The following NRP1 variants were observed in gnomAD, a reference collection of about 807,000 sequenced individuals.
The protein encoded by NRP1 is neuropilin 1, also known as neuropilin-1.
Under a neutral mutation model 106.7 loss-of-function variants are expected in NRP1, and 35 were observed. The observed-to-expected ratio is 0.33, with a 90% CI of 0.25 to 0.43. The LOEUF (loss-of-function observed/expected upper bound fraction) is 0.43, where lower values mean the gene tolerates loss of function less well. NRP1 is among the 20% of genes least tolerant of loss of function. NRP1 has a pLI of 1.00. For missense variants in NRP1, 1,024 were observed against 1,170.4 expected, an observed-to-expected ratio of 0.87 and a Z score of 1.83; for synonymous variants, 437 against 417.9, an observed-to-expected ratio of 1.05 and a Z score of -0.56.
In NRP1 at chr10:33,242,766, A is replaced by T. The variant is rs77535716; in HGVS notation, c.981+11262T>A. Among the ~76,000 whole-genome samples, 42 of 152,130 alleles carry T rather than the reference A, an allele frequency of 2.8e-4. 3 individuals carry two copies. In the East Asian group the frequency reaches 8.1e-3, roughly 29 times the overall value. On this transcript the variant is annotated intron_variant, in intron 6 of 16. Coordinates refer to ENST00000374867, the MANE Select transcript of NRP1 (RefSeq NM_003873.7). ...GGGTCTACCTGGGTCTTGGTCTTTT[A>T]TTCTGAGATGGGATCTACCTGCATC...
chr10:33,294,193 G>C (rs1564462903), intron 2 of NRP1, among the ~76,000 whole-genome samples: 1 of 152,332 alleles, frequency 6.6e-6, no homozygotes, highest in South Asian at 2.1e-4. Context: ...GCTTCAGTGA[G>C]TGTGGGATTT....
At position 33,252,996 on chromosome 10, in the gene NRP1, G is replaced by GTT. The variant is rs35881919; in HGVS notation, c.981+1030_981+1031dup. Among the ~76,000 whole-genome samples the GTT allele has an allele frequency of 1.4e-3, 208 of 144,894 alleles. 2 individuals carry two copies. Among genetic ancestry groups the GTT allele is most frequent in the East Asian group, 0.013 (67 of 5,020 alleles). On this transcript the variant is annotated intron_variant, in intron 6 of 16. Transcript: ENST00000374867. ...AAAGTAGAGGATTAATCATCTTGTGGTTTTTTTTTTTTTTCTTGCTTAGAA... is the reference window on the plus strand; with the variant it reads ...AAAGTAGAGGATTAATCATCTTGTGGTTTTTTTTTTTTTTTTCTTGCTTAGAA...
chr10:33,298,070 T>C (rs1316560151), intron 2 of NRP1, among the ~76,000 whole-genome samples: 5 of 152,238 alleles, frequency 3.3e-5, no homozygotes, highest in African/African-American at 7.2e-5. Context: ...CACATGTTTG[T>C]ATGGAGCCAA....
Position 33,197,150 on chromosome 10 carries a change from GTGTGCTTCTCTC to G in NRP1, c.1924+488_1924+499del, listed in dbSNP as rs1342123769. On this transcript the variant is annotated intron_variant, in intron 12 of 16. Coordinates refer to ENST00000374867, the MANE Select transcript of NRP1 (RefSeq NM_003873.7). ...GGATGAGGAGGTGCTGTTCCCAAGG[GTGTGCTTCTCTC>G]TGTGCACAATTATAAACTCTGGTTT... Among the ~76,000 whole-genome samples the G allele has an allele frequency of 3.9e-5, 6 of 152,130 alleles. No homozygotes were observed. The East Asian group carries it at 1.2e-3, about 29-fold the overall frequency.
chr10:33,326,237 T>C (rs937641135), intron 2 of NRP1, among the ~76,000 whole-genome samples: 8 of 152,196 alleles, frequency 5.3e-5, no homozygotes, highest in African/African-American at 1.7e-4. Flanking sequence ...TATACAGATA[T>C]AAACTTTTAT....
chr10:33,293,867 A>G (rs1281401740), intron 2 of NRP1, among the ~76,000 whole-genome samples: 3 of 152,218 alleles, frequency 2.0e-5, no homozygotes, highest in Non-Finnish European at 2.9e-5. Flanking sequence ...CATGTGAATG[A>G]ATGGATTTCA....
intron 2 of NRP1, among the ~76,000 whole-genome samples, chr10:33,287,242 C>T (rs1311166447): frequency 6.6e-6 from 1 of 152,130 alleles, no homozygotes; most frequent in African/African-American, 2.4e-5. Flanking sequence ...AATACAATGT[C>T]TTCAAAAATA....
intron 15 of NRP1, among the ~76,000 whole-genome samples, chr10:33,184,876 T>C (rs1835902609): frequency 6.6e-6 from 1 of 152,214 alleles, no homozygotes; most frequent in Non-Finnish European, 1.5e-5. Context: ...CCAATAGGCT[T>C]ATCCCATTTT....
intron 6 of NRP1, among the ~76,000 whole-genome samples, chr10:33,252,204 T>C (rs1237418164): frequency 6.6e-6 from 1 of 152,066 alleles, no homozygotes; most frequent in Non-Finnish European, 1.5e-5. Flanking sequence ...TGACCGGAGC[T>C]GTTGGAGAAG....
rs767035662 is a variant in NRP1, at chr10:33,180,042, C to T, written c.*34G>A. On this transcript the variant is annotated 3_prime_UTR_variant, in exon 17 of 17. Transcript: ENST00000374867. ...CAGCTCACTCCCGTCCTTCCACTTC[C>T]GTCCTTTGACTGTCTTTTCATCTCT... 4.9e-5 allele frequency: 79 copies of T among 1,600,736 alleles called. No individual in the cohort carries two copies. The highest frequency in any genetic ancestry group is 4.9e-4 in the Admixed American group (29 of 59,538).
At chr10:33,226,030 TC>T in intron 7 of NRP1, 103 bp downstream of exon 7, 1 of 1,299,860 alleles carries the variant, frequency 7.7e-7, no homozygotes, top group Non-Finnish European at 1.1e-6. Context: ...TCAAATCAAT[TC>T]AAAAATAAAC....
chr10:33,248,640 T>C (rs1039304051), intron 6 of NRP1, among the ~76,000 whole-genome samples: 1 of 152,236 alleles, frequency 6.6e-6, no homozygotes, highest in African/African-American at 2.4e-5. Context: ...CTTCAGCAGG[T>C]TGGCTCCAGT....
intron 6 of NRP1, among the ~76,000 whole-genome samples, chr10:33,232,026 T>C (rs949038328): frequency 1.3e-5 from 2 of 152,110 alleles, no homozygotes; most frequent in Admixed American, 1.3e-4. Context: ...GTTGAAATGA[T>C]CAGTAGTCAT....
chr10:33,203,129 C>T (rs966465856), intron 10 of NRP1, 134 bp from the exon 11 acceptor site: 13 of 779,052 alleles, frequency 1.7e-5, no homozygotes, highest in Middle Eastern at 3.8e-4. Flanking sequence ...GTTTGCCTCT[C>T]TTTCAGGAGC....
intron 7 of NRP1, among the ~76,000 whole-genome samples, chr10:33,224,138 G>GTTTCATTAGATTCTGA (rs1267417647): frequency 6.6e-6 from 1 of 152,170 alleles, no homozygotes; most frequent in Non-Finnish European, 1.5e-5. Flanking sequence ...GGATGTTCTG[G>GTTTCATTAGATTCTGA]TTTCATTAGA....
At chr10:33,260,724 C>T (rs575164504) in intron 4 of NRP1, among the ~76,000 whole-genome samples, 29 of 152,292 alleles carry the variant, frequency 1.9e-4, no homozygotes, top group Middle Eastern at 3.4e-3. Context: ...ATTCACAACA[C>T]GCATGCCTTG....
Position 33,180,278 on chromosome 10 carries a change from A to G in NRP1, c.2570T>C (p.Ile857Thr). 1 of 1,614,064 alleles carries G rather than the reference A, an allele frequency of 6.2e-7. No individual in the cohort carries two copies. Among genetic ancestry groups the G allele is most frequent in the Non-Finnish European group, 8.5e-7 (1 of 1,179,984 alleles). The change falls in exon 17 of 17, where the codon ATC (isoleucine) becomes ACC (threonine). Residue 857 changes from isoleucine (I) to threonine (T), a missense_variant. Coordinates refer to ENST00000374867, the MANE Select transcript of NRP1 (RefSeq NM_003873.7). ...PGNVLKTLDP[I>T]LITIIAMSAL... Reference sequence around the variant, plus strand: ...ACTCATGGCTATGATGGTGATGAGGATGGGGTCTAAGGTCTTCAACACATT... The same window carrying G: ...ACTCATGGCTATGATGGTGATGAGGGTGGGGTCTAAGGTCTTCAACACATT...
intron 7 of NRP1, among the ~76,000 whole-genome samples, chr10:33,222,350 C>G (rs927379050): frequency 1.3e-5 from 2 of 152,210 alleles, no homozygotes; most frequent in African/African-American, 4.8e-5. Flanking sequence ...GACTTCATTC[C>G]TTGATGGAAG....
At chr10:33,241,179 T>C (rs1226492376) in intron 6 of NRP1, among the ~76,000 whole-genome samples, 1 of 151,914 alleles carries the variant, frequency 6.6e-6, no homozygotes, top group East Asian at 1.9e-4. Flanking sequence ...AGGTAGAAAA[T>C]GAAAATGAGG....
Sources: allele counts gnomAD v4.1 joint callset (sites outside exome capture counted in the v4.1 genomes callset), GRCh38; gene constraint gnomAD v4.1.1; transcripts MANE v1.5; gene names NCBI Gene and HGNC (gene_info 2026-07-23, HGNC 2026-07-21).